Variants in SDK1 observed in about 807,000 individuals in gnomAD.
SDK1 encodes the protein protein sidekick-1.
In SDK1, 157 loss-of-function variants were observed where a neutral mutation model predicts 245.5. That is an observed-to-expected ratio of 0.64 (90% CI 0.56 to 0.73). The LOEUF (loss-of-function observed/expected upper bound fraction) is 0.73, where lower values mean the gene tolerates loss of function less well. Among genes scored for constraint, SDK1 ranks in the 30% least tolerant of loss-of-function variants. The pLI, the probability that SDK1 is intolerant of heterozygous loss-of-function variation, is 0.00. For synonymous variants in SDK1, 1,647 were observed against 1,278.5 expected, an observed-to-expected ratio of 1.29 and a Z score of -6.15; for missense variants, 3,583 against 3,002.3, an observed-to-expected ratio of 1.19 and a Z score of -4.52.
intron 1 of SDK1, among the ~76,000 whole-genome samples, chr7:3,580,509 T>C (rs1780444725): frequency 6.6e-6 from 1 of 152,158 alleles, no homozygotes; most frequent in Non-Finnish European, 1.5e-5. Context: ...AACCATCTGA[T>C]CTTTGACAAA....
At chr7:3,792,594 C>T (rs1778837233) in intron 4 of SDK1, among the ~76,000 whole-genome samples, 1 of 143,892 alleles carries the variant, frequency 6.9e-6, no homozygotes. Context: ...TGAATATTGC[C>T]TTCTCTCCCT....
chr7:4,093,571 A>C (rs1038844497), intron 22 of SDK1, among the ~76,000 whole-genome samples: 1 of 152,134 alleles, frequency 6.6e-6, no homozygotes, highest in African/African-American at 2.4e-5. Context: ...ATAAAGCACA[A>C]GTCTGTTTAG....
At chr7:3,353,744 A>G (rs1384111820) in intron 1 of SDK1, among the ~76,000 whole-genome samples, 1 of 152,204 alleles carries the variant, frequency 6.6e-6, no homozygotes, top group Non-Finnish European at 1.5e-5. Flanking sequence ...TCATGGTTAA[A>G]GGGAGCATGC....
intron 1 of SDK1, among the ~76,000 whole-genome samples, chr7:3,596,366 T>C (rs1239841166): frequency 6.6e-6 from 1 of 152,152 alleles, no homozygotes; most frequent in Non-Finnish European, 1.5e-5. Flanking sequence ...ACCACAGTCA[T>C]TGTGGTAAAG....
chr7:4,012,882 G>T (rs769923335), intron 16 of SDK1, among the ~76,000 whole-genome samples: 1 of 152,040 alleles, frequency 6.6e-6, no homozygotes, highest in African/African-American at 2.4e-5. Context: ...TGGCCTCATT[G>T]TAGGTCTTTT....
At chr7:3,444,967 G>A (rs1471997058) in intron 1 of SDK1, among the ~76,000 whole-genome samples, 1 of 152,150 alleles carries the variant, frequency 6.6e-6, no homozygotes, top group Non-Finnish European at 1.5e-5. Flanking sequence ...AATTTTGAAA[G>A]ATGAGTTTAA....
At chr7:3,595,056 C>A (rs950144996) in intron 1 of SDK1, among the ~76,000 whole-genome samples, 1 of 152,060 alleles carries the variant, frequency 6.6e-6, no homozygotes, top group Non-Finnish European at 1.5e-5. Flanking sequence ...ACCCTTGTTG[C>A]CACCACAGTG....
At chr7:4,072,600 C>T (rs1387214241) in intron 20 of SDK1, among the ~76,000 whole-genome samples, 1 of 152,220 alleles carries the variant, frequency 6.6e-6, no homozygotes, top group Admixed American at 6.5e-5. Context: ...CAGAGTGTCT[C>T]ATTGAGAAGA....
chr7:3,853,798 GGCCAACAT>G (rs1454418139), intron 5 of SDK1, among the ~76,000 whole-genome samples: 1 of 152,074 alleles, frequency 6.6e-6, no homozygotes, highest in Admixed American at 6.5e-5. Context: ...AGACCATCCT[GGCCAACAT>G]GGTGAAACCT....
intron 1 of SDK1, among the ~76,000 whole-genome samples, chr7:3,482,243 T>G (rs1399289545): frequency 1.3e-5 from 2 of 152,120 alleles, no homozygotes; most frequent in East Asian, 3.9e-4. Context: ...TGTAAAAAAC[T>G]ATTGAAAATG....
chr7:3,396,242 A>T (rs1223887872), intron 1 of SDK1, among the ~76,000 whole-genome samples: 1 of 151,766 alleles, frequency 6.6e-6, no homozygotes, highest in Admixed American at 6.6e-5. Context: ...TAACTGCATT[A>T]TTGTTGGTAA....
intron 4 of SDK1, among the ~76,000 whole-genome samples, chr7:3,777,269 T>A (rs1202064321): frequency 2.6e-5 from 4 of 152,220 alleles, no homozygotes; most frequent in Non-Finnish European, 5.9e-5. Context: ...AGCCTTGATA[T>A]TCAGATGCAG....
chr7:4,230,970 G>C (rs562944957), intron 40 of SDK1, among the ~76,000 whole-genome samples: 43 of 152,206 alleles, frequency 2.8e-4, no homozygotes, highest in Non-Finnish European at 5.3e-4. Flanking sequence ...TGATCAAAGA[G>C]TAGACCGCAT....
intron 35 of SDK1, among the ~76,000 whole-genome samples, chr7:4,195,719 A>G (rs687464): frequency 0.4 from 60,056 of 152,014 alleles, 12,722 homozygotes; most frequent in Middle Eastern, 0.59. Context: ...CTGGGGCTCA[A>G]TCTCCTTGCC....
chr7:4,228,696 T>C lies in SDK1; in HGVS notation c.5828-4559T>C, dbSNP rs546293838. Among the ~76,000 whole-genome samples the C allele has an allele frequency of 3.9e-5, 6 of 152,264 alleles. 1 individual carries two copies. The South Asian group carries it at 1.2e-3, about 32-fold the overall frequency. On this transcript the variant is annotated intron_variant, in intron 40 of 44. Transcript: ENST00000404826. The stretch of plus-strand genomic sequence containing the variant: ...CTGGGATTACAGGAGCGTGCCATCA[T>C]ACCCAGCTAATTTTTGTATTTTTAG...
intron 4 of SDK1, among the ~76,000 whole-genome samples, chr7:3,757,854 C>G (rs1779981737): frequency 6.6e-6 from 1 of 152,150 alleles, no homozygotes; most frequent in Admixed American, 6.5e-5. Context: ...CTGAAAGTTC[C>G]AAGTTTCTAA....
chr7:4,169,647 G>A (rs899324814), intron 32 of SDK1, among the ~76,000 whole-genome samples: 1 of 152,188 alleles, frequency 6.6e-6, no homozygotes, highest in Non-Finnish European at 1.5e-5. Flanking sequence ...AGACGGCAAG[G>A]CTGGAATATA....
At chr7:3,405,094 T>C (rs1779012846) in intron 1 of SDK1, among the ~76,000 whole-genome samples, 1 of 152,028 alleles carries the variant, frequency 6.6e-6, no homozygotes, top group Admixed American at 6.5e-5. Context: ...CTTGGTTTTC[T>C]TATTTTTAAA....
intron 1 of SDK1, among the ~76,000 whole-genome samples, chr7:3,308,445 A>C (rs906223351): frequency 2.6e-5 from 4 of 152,180 alleles, no homozygotes; most frequent in Non-Finnish European, 5.9e-5. Flanking sequence ...AAATTAACAC[A>C]GTAATTTTTC....
Sources: gnomAD v4.1 joint callset for allele counts (sites outside exome capture counted in the v4.1 genomes callset) on GRCh38, gnomAD v4.1.1 for gene constraint, MANE v1.5 for transcripts, NCBI Gene and HGNC (gene_info 2026-07-23, HGNC 2026-07-21) for gene names.